The following SHANK2 variants were observed in gnomAD, a reference collection of about 807,000 sequenced individuals.
SHANK2 encodes SH3 and multiple ankyrin repeat domains protein 2.
A neutral mutation model predicts 133.7 loss-of-function variants in SHANK2; 43 were observed. That is an observed-to-expected ratio of 0.32 (90% CI 0.25 to 0.41). The LOEUF (loss-of-function observed/expected upper bound fraction) is 0.41, where lower values mean the gene tolerates loss of function less well. Among genes scored for constraint, SHANK2 ranks in the 10% least tolerant of loss-of-function variants. SHANK2 has a pLI of 1.00. For synonymous variants in SHANK2, 1,017 were observed against 952.8 expected, an observed-to-expected ratio of 1.07 and a Z score of -1.24; for missense variants, 1,994 against 2,235.8, an observed-to-expected ratio of 0.89 and a Z score of 2.18.
intron 17 of SHANK2, among the ~76,000 whole-genome samples, chr11:70,624,650 G>A (rs553196174): frequency 1.4e-4 from 21 of 152,298 alleles, no homozygotes; most frequent in African/African-American, 4.6e-4. Context: ...AGGGAACCAC[G>A]TGTCAACGTC....
At chr11:70,792,629 A>G (rs1220381830) in intron 14 of SHANK2, among the ~76,000 whole-genome samples, 1 of 152,244 alleles carries the variant, frequency 6.6e-6, no homozygotes, top group Non-Finnish European at 1.5e-5. Context: ...TCATTTTACA[A>G]CATAAAGCAA....
intron 17 of SHANK2, among the ~76,000 whole-genome samples, chr11:70,629,854 C>T (rs1288994188): frequency 2.0e-5 from 3 of 152,176 alleles, no homozygotes; most frequent in African/African-American, 7.2e-5. Context: ...GATCCGGCCC[C>T]CTGACATCCA....
At chr11:71,057,912 C>CA (rs1259211314) in intron 9 of SHANK2, among the ~76,000 whole-genome samples, 3 of 120,692 alleles carry the variant, frequency 2.5e-5, no homozygotes, top group African/African-American at 1.0e-4. Context: ...GCAAGCAAAA[C>CA]GGTTTTTTTT....
At chr11:70,748,476 G>A (rs1555036760) in intron 14 of SHANK2, among the ~76,000 whole-genome samples, 1 of 152,162 alleles carries the variant, frequency 6.6e-6, no homozygotes, top group African/African-American at 2.4e-5. Flanking sequence ...GCTGGCAGGA[G>A]GGCAGGAAAA....
At chr11:70,529,628 C>T (rs1554972810) in intron 17 of SHANK2, among the ~76,000 whole-genome samples, 1 of 152,210 alleles carries the variant, frequency 6.6e-6, no homozygotes, top group African/African-American at 2.4e-5. Context: ...TTTGCAACCA[C>T]CACCTCTATC....
At chr11:70,702,110 T>TCATCACCAC (rs1257545341) in intron 14 of SHANK2, among the ~76,000 whole-genome samples, 6 of 149,338 alleles carry the variant, frequency 4.0e-5, no homozygotes, top group African/African-American at 1.5e-4. Context: ...TTCTTCACCA[T>TCATCACCAC]CATCACCACC....
intron 14 of SHANK2, among the ~76,000 whole-genome samples, chr11:70,725,595 T>C (rs1555030447): frequency 6.6e-6 from 1 of 152,190 alleles, no homozygotes; most frequent in East Asian, 1.9e-4. Flanking sequence ...GTTGTTCAGA[T>C]GAACCTCACC....
chr11:70,539,676 G>A (rs2059592658), intron 17 of SHANK2, among the ~76,000 whole-genome samples: 3 of 152,206 alleles, frequency 2.0e-5, no homozygotes, highest in African/African-American at 7.2e-5. Context: ...GGACCAGGAT[G>A]TAATCTGGGC....
At chr11:70,899,229 G>A (rs575129346) in intron 10 of SHANK2, among the ~76,000 whole-genome samples, 32 of 152,100 alleles carry the variant, frequency 2.1e-4, no homozygotes, top group Non-Finnish European at 4.0e-4. Context: ...ACTGAATCAC[G>A]GGGGTGGTTT....
rs1179206046 is a variant in SHANK2, at chr11:71,122,300, G to A, written c.208-3268C>T. On this transcript the variant is annotated intron_variant, in intron 3 of 25. Coordinates refer to ENST00000601538, the MANE Select transcript of SHANK2 (RefSeq NM_012309.5). ...AGAAAATGTGGCACATATACACCAT[G>A]GAATACTATGCAGCCATAAAAAAGA... 4.1e-4 allele frequency among the ~76,000 whole-genome samples: 63 copies of A among 152,258 alleles called. 2 individuals are homozygous for A. Among genetic ancestry groups the A allele is most frequent in the Admixed American group, 3.0e-3 (46 of 15,298 alleles).
intron 17 of SHANK2, among the ~76,000 whole-genome samples, chr11:70,606,766 C>A (rs2060584421): frequency 6.6e-6 from 1 of 152,240 alleles, no homozygotes; most frequent in South Asian, 2.1e-4. Flanking sequence ...GCTCCTTGGG[C>A]CTCAGGCGCT....
At chr11:70,541,227 C>G (rs1252344300) in intron 17 of SHANK2, among the ~76,000 whole-genome samples, 2 of 152,208 alleles carry the variant, frequency 1.3e-5, no homozygotes, top group Non-Finnish European at 2.9e-5. Context: ...ATTTGCCTTC[C>G]TCCTGCACCG....
intron 11 of SHANK2, among the ~76,000 whole-genome samples, chr11:70,853,520 CT>C (rs782016633): frequency 1.3e-5 from 2 of 152,162 alleles, no homozygotes; most frequent in Non-Finnish European, 2.9e-5. Flanking sequence ...GGGGGGATGC[CT>C]CTCAGCAGGC....
chr11:70,933,691 G>A lies in SHANK2; in HGVS notation c.1108-37124C>T, dbSNP rs562595861. Among the ~76,000 whole-genome samples the A allele has an allele frequency of 1.2e-4, 19 of 152,176 alleles. No homozygotes were observed. The East Asian group carries it at 1.4e-3, about 11-fold the overall frequency. On this transcript the variant is annotated intron_variant, in intron 10 of 25. Coordinates refer to ENST00000601538, the MANE Select transcript of SHANK2 (RefSeq NM_012309.5). The stretch of plus-strand genomic sequence containing the variant: ...TCCCAGCACTTTGGGAGGCCGAGGC[G>A]GATGGATCACATGAGGTCAGGAGTT...
chr11:70,627,839 T>C (rs2060925002), intron 17 of SHANK2, among the ~76,000 whole-genome samples: 1 of 152,262 alleles, frequency 6.6e-6, no homozygotes, highest in African/African-American at 2.4e-5. Context: ...ATCATGTTGA[T>C]GCTCAAAAAG....
chr11:70,872,887 T>C, intron 11 of SHANK2: 2 of 408,126 alleles, frequency 4.9e-6, no homozygotes, highest in Non-Finnish European at 1.0e-5. Context: ...CACGATGCCC[T>C]GTAGAGCCCA....
chr11:70,896,084 T>C (rs1949930138), intron 11 of SHANK2, among the ~76,000 whole-genome samples: 1 of 152,182 alleles, frequency 6.6e-6, no homozygotes, highest in Non-Finnish European at 1.5e-5. Context: ...TAACGACATG[T>C]ATCAATTTTT....
chr11:70,664,146 TTGA>T (rs1944635828), intron 15 of SHANK2, among the ~76,000 whole-genome samples: 1 of 152,110 alleles, frequency 6.6e-6, no homozygotes, highest in Admixed American at 6.5e-5. Flanking sequence ...CCATGAGGCA[TTGA>T]TGAGCAGACC....
At chr11:71,146,230 C>A (rs73523287) in intron 3 of SHANK2, among the ~76,000 whole-genome samples, 1 of 152,226 alleles carries the variant, frequency 6.6e-6, no homozygotes, top group Non-Finnish European at 1.5e-5. Flanking sequence ...CAGTCCCCGC[C>A]GTGAGCAAGA....
Sources: gnomAD v4.1 joint callset for allele counts (sites outside exome capture counted in the v4.1 genomes callset) on GRCh38, gnomAD v4.1.1 for gene constraint, MANE v1.5 for transcripts, NCBI Gene and HGNC (gene_info 2026-07-23, HGNC 2026-07-21) for gene names.